Variants in FSTL5 observed in about 807,000 individuals in gnomAD.
FSTL5 encodes follistatin like 5, also known as follistatin-related protein 5.
In FSTL5, 62 loss-of-function variants were observed where a neutral mutation model predicts 89.1. The ratio of observed to expected loss-of-function variants is 0.70; its 90% CI spans 0.57 to 0.86. The LOEUF (loss-of-function observed/expected upper bound fraction) is 0.86. FSTL5 is among the 40% of genes least tolerant of loss of function. FSTL5 has a pLI of 0.00. For synonymous variants in FSTL5, 383 were observed against 346.2 expected (o/e 1.11, Z -1.18); for missense variants, 1,057 against 1,001.6 (o/e 1.06, Z -0.75).
intron 13 of FSTL5, among the ~76,000 whole-genome samples, chr4:161,466,463 C>T (rs1733750755): frequency 6.6e-6 from 1 of 152,152 alleles, no homozygotes; most frequent in Non-Finnish European, 1.5e-5. Flanking sequence ...AAGGAAAGTA[C>T]CAGCTGGCTA....
chr4:162,065,354 C>CA (rs1204150706), intron 2 of FSTL5, among the ~76,000 whole-genome samples: 8 of 151,692 alleles, frequency 5.3e-5, no homozygotes, highest in Admixed American at 5.3e-4. Context: ...AACTCAATAG[C>CA]AAAAAAGAAC....
intron 15 of FSTL5, among the ~76,000 whole-genome samples, chr4:161,396,511 A>C (rs1252919246): frequency 6.6e-6 from 1 of 150,942 alleles, no homozygotes; most frequent in East Asian, 1.9e-4. Flanking sequence ...AAAATTAGCT[A>C]GACGTGGTGG....
At position 162,105,461 on chromosome 4, in the gene FSTL5, G is replaced by A. The variant is rs77539584; in HGVS notation, c.126+5810C>T. On this transcript the variant is annotated intron_variant, in intron 2 of 15. Coordinates refer to ENST00000306100, the MANE Select transcript of FSTL5 (RefSeq NM_020116.5). ...CATTTTTCCCATTTATAAAATATAC[G>A]GAACTATTACATGTACTTTGATCTT... Among the ~76,000 whole-genome samples, 488 of 151,922 alleles carry A rather than the reference G, an allele frequency of 3.2e-3. 3 individuals are homozygous for A. Among genetic ancestry groups the A allele is most frequent in the African/African-American group, 0.011 (471 of 41,428 alleles).
chr4:162,068,623 T>G (rs1393473893), intron 2 of FSTL5, among the ~76,000 whole-genome samples: 1 of 152,002 alleles, frequency 6.6e-6, no homozygotes, highest in Non-Finnish European at 1.5e-5. Context: ...GTAATACCAT[T>G]CAGGACATAG....
chr4:161,656,173 G>A (rs113795601), intron 7 of FSTL5, among the ~76,000 whole-genome samples, 155 bp downstream of exon 7: 18 of 152,158 alleles, frequency 1.2e-4, no homozygotes, highest in African/African-American at 4.3e-4. Flanking sequence ...AGGACCTATA[G>A]TGCACCTCTC....
In FSTL5 at chr4:162,011,823, C is replaced by A. The variant is rs988333906; in HGVS notation, c.160+21802G>T. Among the ~76,000 whole-genome samples the A allele has an allele frequency of 9.9e-5, 15 of 151,974 alleles. 1 individual carries two copies. The highest frequency in any genetic ancestry group is 9.8e-4 in the Admixed American group (15 of 15,240). ...TCAGTTTACTCTGTTAACCCTTACACTTAGTTTCAGTTGTTTCATTTGTTT... is the reference window on the plus strand; with the variant it reads ...TCAGTTTACTCTGTTAACCCTTACAATTAGTTTCAGTTGTTTCATTTGTTT... On this transcript the variant is annotated intron_variant, in intron 3 of 15. Transcript: ENST00000306100.
chr4:161,977,639 A>AAAAAAAAAATAAT (rs1553988132), intron 3 of FSTL5, among the ~76,000 whole-genome samples: 3 of 101,244 alleles, frequency 3.0e-5, no homozygotes, highest in African/African-American at 8.2e-5. Flanking sequence ...AAAAAAAAAA[A>AAAAAAAAAATAAT]AATAATAATA....
At chr4:161,938,361 AT>A (rs1208198673) in intron 3 of FSTL5, among the ~76,000 whole-genome samples, 4 of 152,132 alleles carry the variant, frequency 2.6e-5, no homozygotes, top group African/African-American at 9.6e-5. Flanking sequence ...ACAATAAAAA[AT>A]GTATTATCAA....
At chr4:161,415,015 T>A (rs1181498746) in intron 15 of FSTL5, among the ~76,000 whole-genome samples, 1 of 152,204 alleles carries the variant, frequency 6.6e-6, no homozygotes, top group African/African-American at 2.4e-5. Context: ...AAAGGTATGT[T>A]TGAAATCTGA....
chr4:161,469,792 C>T (rs1293396410), intron 13 of FSTL5, among the ~76,000 whole-genome samples: 1 of 151,964 alleles, frequency 6.6e-6, no homozygotes, highest in Admixed American at 6.6e-5. Context: ...CGCCCACCAC[C>T]ACGCCCGGCT....
At chr4:161,452,663 T>C (rs1200933651) in intron 15 of FSTL5, among the ~76,000 whole-genome samples, 3 of 151,966 alleles carry the variant, frequency 2.0e-5, no homozygotes, top group Non-Finnish European at 1.5e-5. Flanking sequence ...AGTAATTACT[T>C]TGAACTGCAC....
chr4:161,721,105 C>T (rs376197153), intron 6 of FSTL5, among the ~76,000 whole-genome samples: 7 of 151,312 alleles, frequency 4.6e-5, no homozygotes, highest in East Asian at 3.9e-4. Context: ...GGTGAAACCC[C>T]GTCTCTACTA....
chr4:161,531,301 G>A (rs1242610332), intron 10 of FSTL5, among the ~76,000 whole-genome samples: 1 of 152,080 alleles, frequency 6.6e-6, no homozygotes, highest in African/African-American at 2.4e-5. Flanking sequence ...TCTCTCAATA[G>A]TATCATATTT....
chr4:162,004,107 T>C (rs1292787415), intron 3 of FSTL5, among the ~76,000 whole-genome samples: 1 of 152,202 alleles, frequency 6.6e-6, no homozygotes, highest in Non-Finnish European at 1.5e-5. Flanking sequence ...AATGAATATT[T>C]CTATTATTTT....
intron 3 of FSTL5, among the ~76,000 whole-genome samples, chr4:162,024,091 G>A: frequency 6.6e-6 from 1 of 152,198 alleles, no homozygotes; most frequent in East Asian, 1.9e-4. Context: ...TGTTTGAAAT[G>A]GTTAAGTGAA....
chr4:162,040,679 T>A (rs1737916139), intron 2 of FSTL5, among the ~76,000 whole-genome samples: 1 of 152,116 alleles, frequency 6.6e-6, no homozygotes, highest in African/African-American at 2.4e-5. Flanking sequence ...CAGTTCTACT[T>A]TGTTTAATCA....
At chr4:161,944,618 T>C (rs2110933483) in intron 3 of FSTL5, among the ~76,000 whole-genome samples, 1 of 151,876 alleles carries the variant, frequency 6.6e-6, no homozygotes. Context: ...AATTACGTTA[T>C]AAAAAGTTGC....
At chr4:161,879,129 C>A (rs1397116095) in intron 4 of FSTL5, among the ~76,000 whole-genome samples, 1 of 152,168 alleles carries the variant, frequency 6.6e-6, no homozygotes, top group East Asian at 1.9e-4. Flanking sequence ...TTTCTGAGAT[C>A]TGGAACCTTG....
At chr4:161,900,647 AAAAAAAAAAAAGAAAG>A (rs1321952374) in intron 4 of FSTL5, among the ~76,000 whole-genome samples, 2 of 122,256 alleles carry the variant, frequency 1.6e-5, no homozygotes, top group African/African-American at 2.9e-5. Flanking sequence ...TCAAAAAAAA[AAAAAAAAAAAAGAAAG>A]AAAGAAAGAA....
Sources: gnomAD v4.1 joint callset for allele counts (sites outside exome capture counted in the v4.1 genomes callset) on GRCh38, gnomAD v4.1.1 for gene constraint, MANE v1.5 for transcripts, NCBI Gene and HGNC (gene_info 2026-07-23, HGNC 2026-07-21) for gene names.